The following PKHD1 variants were observed in gnomAD, a reference collection of about 807,000 sequenced individuals.
PKHD1 encodes fibrocystin.
A neutral mutation model predicts 412.0 loss-of-function variants in PKHD1; 291 were observed. That is an observed-to-expected ratio of 0.71 (90% CI 0.64 to 0.78). The LOEUF (loss-of-function observed/expected upper bound fraction) is 0.78. PKHD1 is among the 30% of genes least tolerant of loss of function. PKHD1 has a pLI of 0.00. For synonymous variants in PKHD1, 1,777 were observed against 1,821.5 expected (o/e 0.98, Z 0.62); for missense variants, 4,825 against 4,950.7 (o/e 0.97, Z 0.76).
chr6:51,658,936 T>C lies in PKHD1; in HGVS notation c.11174+16A>G, dbSNP rs1173247181. On this transcript the variant is annotated intron_variant, in intron 61 of 66. Transcript: ENST00000371117. The stretch of plus-strand genomic sequence containing the variant: ...AAATCAGCCCTCATTTGGATGTGAA[T>C]ATAATTAGTACTTACCCATAGCCAA... 1.3e-6 allele frequency: 2 copies of C among 1,565,726 alleles called. No individual in the cohort carries two copies. Among genetic ancestry groups the C allele is most frequent in the Non-Finnish European group, 1.8e-6 (2 of 1,136,208 alleles).
intron 59 of PKHD1, among the ~76,000 whole-genome samples, chr6:51,745,848 T>C (rs934481283): frequency 3.3e-5 from 5 of 152,152 alleles, no homozygotes; most frequent in Admixed American, 2.0e-4. Context: ...AATTGGATAG[T>C]AAATTTTAAA....
intron 5 of PKHD1, among the ~76,000 whole-genome samples, chr6:52,078,474 T>C (rs1811619743): frequency 6.6e-6 from 1 of 152,112 alleles, no homozygotes; most frequent in Admixed American, 6.6e-5. Flanking sequence ...CAGCAGGCTC[T>C]TTGCAGTGGA....
Position 52,050,199 on chromosome 6 carries a change from C to T in PKHD1, c.2237G>A (p.Trp746Ter). 1.2e-6 allele frequency: 2 copies of T among 1,614,200 alleles called. No homozygotes were observed. The highest frequency in any genetic ancestry group is 1.7e-6 in the Non-Finnish European group (2 of 1,180,012). ...GAGCTCCGTGCCACACCCCGCCAGC[C>T]AGGAGGTGACACTGTAGACCGGAGG... ...GSPPVYSVTS[W>*]LAGCGTELPL... The change falls in exon 22 of 67, where the codon TGG becomes TAG. Residue 746 changes from tryptophan (W) to a stop codon, truncating the protein, a stop_gained. Transcript: ENST00000371117. LOFTEE classifies it high-confidence loss of function.
At chr6:51,769,333 C>T (rs1789661912) in intron 55 of PKHD1, among the ~76,000 whole-genome samples, 1 of 151,304 alleles carries the variant, frequency 6.6e-6, no homozygotes, top group African/African-American at 2.4e-5. Flanking sequence ...TTTCACTATT[C>T]CTTGTTCTTT....
intron 55 of PKHD1, among the ~76,000 whole-genome samples, chr6:51,770,708 T>C (rs1396204241): frequency 1.3e-5 from 2 of 151,966 alleles, no homozygotes; most frequent in Admixed American, 1.3e-4. Flanking sequence ...GGAAAGTATA[T>C]ATGCTATTCA....
At chr6:51,829,422 C>T (rs147889653) in intron 52 of PKHD1, among the ~76,000 whole-genome samples, 229 of 152,196 alleles carry the variant, frequency 1.5e-3, no homozygotes, top group African/African-American at 5.3e-3. Flanking sequence ...CTCTTGCTTC[C>T]TGCATGGGGT....
chr6:51,746,608 G>A, intron 59 of PKHD1, 113 bp downstream of exon 59: 1 of 743,136 alleles, frequency 1.3e-6, no homozygotes, highest in Non-Finnish European at 2.4e-6. Flanking sequence ...ACCATTCTAA[G>A]ATTCATTTCT....
intron 35 of PKHD1, among the ~76,000 whole-genome samples, chr6:52,004,599 G>A (rs1343638797): frequency 2.6e-5 from 4 of 151,996 alleles, no homozygotes; most frequent in African/African-American, 4.8e-5. Context: ...TCCTTTAAAG[G>A]GTGTTGAGCT....
chr6:51,990,104 G>T (rs1583755470), intron 35 of PKHD1, among the ~76,000 whole-genome samples: 1 of 150,484 alleles, frequency 6.6e-6, no homozygotes, highest in Non-Finnish European at 1.5e-5. Context: ...AACAGAGATT[G>T]TCCTCCTGGT....
intron 52 of PKHD1, among the ~76,000 whole-genome samples, chr6:51,797,106 G>A (rs867781396): frequency 1.3e-5 from 2 of 152,128 alleles, no homozygotes; most frequent in Admixed American, 6.6e-5. Flanking sequence ...GAGCCACTGT[G>A]CCTGGCCTTG....
In PKHD1 at chr6:52,025,064, A is replaced by G. The variant is rs750248277; in HGVS notation, c.4746T>C (p.Asn1582=). The change falls in exon 32 of 67, where the codon AAT becomes AAC. Residue 1582 remains asparagine (N), a synonymous_variant. Coordinates refer to ENST00000371117, the MANE Select transcript of PKHD1 (RefSeq NM_138694.4). ...MPQVFHYFPK[N]FSLHGGSLLT... is the part of the protein sequence containing the mutation. ...AGAGGCTTCCACCATGTAAGCTGAAATTCTTAGGAAAATAATGAAACACTT... is the reference window on the plus strand; with the variant it reads ...AGAGGCTTCCACCATGTAAGCTGAAGTTCTTAGGAAAATAATGAAACACTT... 1 of 1,614,202 alleles carries G rather than the reference A, an allele frequency of 6.2e-7. No individual in the cohort carries two copies. Among genetic ancestry groups the G allele is most frequent in the Non-Finnish European group, 8.5e-7 (1 of 1,180,038 alleles).
intron 36 of PKHD1, among the ~76,000 whole-genome samples, chr6:51,936,531 G>A (rs1357811663): frequency 1.3e-5 from 2 of 152,140 alleles, no homozygotes; most frequent in African/African-American, 4.8e-5. Flanking sequence ...ATGCACTGGA[G>A]AAATGAGAGG....
intron 60 of PKHD1, among the ~76,000 whole-genome samples, chr6:51,674,496 C>A (rs1035610257): frequency 5.3e-5 from 8 of 152,136 alleles, no homozygotes; most frequent in Non-Finnish European, 8.8e-5. Context: ...GTTTAATTAT[C>A]CATAGTTCAT....
In PKHD1 at chr6:52,026,170, G is replaced by A; in HGVS notation, c.3640C>T (p.Leu1214Phe). The A allele has an allele frequency of 3.7e-6, 6 of 1,613,960 alleles. No homozygotes were observed. Among genetic ancestry groups the A allele is most frequent in the Non-Finnish European group, 5.1e-6 (6 of 1,179,958 alleles). The change falls in exon 32 of 67, where the codon CTC becomes TTC. Residue 1214 changes from leucine to phenylalanine, a missense_variant. By Grantham distance (22) the Leu-to-Phe change is conservative (BLOSUM62 0). Coordinates refer to ENST00000371117, the MANE Select transcript of PKHD1 (RefSeq NM_138694.4). ...CCGSLLGGTI[L>F]SISGIGFSRD... is the part of the protein sequence containing the mutation. ...CTGAAGCCTATTCCTGAGATGCTGA[G>A]GATGGTCCCTCCTAAAGTATGAATA...
In PKHD1 at chr6:51,616,470, A is replaced by T. The variant is rs1766074530; in HGVS notation, c.*2611T>A. ...GTGGTGCTCAAATTGGCTCATCTCC[A>T]GACATGAATGAACATAGAGCTGCTC... On this transcript the variant is annotated 3_prime_UTR_variant, in exon 67 of 67. Transcript: ENST00000371117. 2.6e-6 allele frequency: 1 copy of T among 387,960 alleles called. No individual in the cohort carries two copies. Among genetic ancestry groups the T allele is most frequent in the Non-Finnish European group, 4.5e-6 (1 of 219,782 alleles). The allele number at this position is 387,960 out of a possible 1,614,324, so 24.0% of individuals were successfully genotyped here. A position where few individuals can be genotyped will look rare whatever the true frequency, so the allele number is the denominator to read the frequency against.
chr6:51,822,377 T>C (rs1310185005), intron 52 of PKHD1, among the ~76,000 whole-genome samples: 2 of 152,190 alleles, frequency 1.3e-5, no homozygotes, highest in Non-Finnish European at 2.9e-5. Context: ...GAAAATTTAC[T>C]GTTAACCACC....
intron 61 of PKHD1, among the ~76,000 whole-genome samples, chr6:51,650,214 C>T (rs1250229825): frequency 3.3e-5 from 5 of 152,102 alleles, no homozygotes; most frequent in Admixed American, 6.6e-5. Context: ...CAGTGTAAAA[C>T]ATATTTCACT....
intron 50 of PKHD1, among the ~76,000 whole-genome samples, chr6:51,837,234 C>T (rs1445730036): frequency 6.6e-6 from 1 of 152,116 alleles, no homozygotes; most frequent in Non-Finnish European, 1.5e-5. Flanking sequence ...GGTTAATTAC[C>T]TTTCTGCCTT....
intron 60 of PKHD1, among the ~76,000 whole-genome samples, chr6:51,675,789 T>C (rs1775740807): frequency 6.6e-6 from 1 of 152,120 alleles, no homozygotes; most frequent in Admixed American, 6.5e-5. Context: ...GAGTGACCAG[T>C]GAGTATTGGC....
Sources: gnomAD v4.1 joint callset for allele counts (sites outside exome capture counted in the v4.1 genomes callset) on GRCh38, gnomAD v4.1.1 for gene constraint, MANE v1.5 for transcripts, NCBI Gene and HGNC (gene_info 2026-07-23, HGNC 2026-07-21) for gene names.